Variants in SEMA3A observed in about 807,000 individuals in gnomAD.
SEMA3A encodes semaphorin-3A.
Under a neutral mutation model 97.9 loss-of-function variants are expected in SEMA3A, and 29 were observed. The ratio of observed to expected loss-of-function variants is 0.30; its 90% confidence interval spans 0.22 to 0.40. SEMA3A has a LOEUF of 0.40. Among genes scored for constraint, SEMA3A ranks in the 10% least tolerant of loss-of-function variants. SEMA3A has a pLI of 1.00. For synonymous variants in SEMA3A, 321 were observed against 323.7 expected, an observed-to-expected ratio of 0.99 and a Z score of 0.09; for missense variants, 763 against 951.3, an observed-to-expected ratio of 0.80 and a Z score of 2.60.
At chr7:84,371,479 A>C (rs1018936844) in intron 2 of SEMA3A, among the ~76,000 whole-genome samples, 1 of 151,884 alleles carries the variant, frequency 6.6e-6, no homozygotes. Flanking sequence ...AAAAGCATTT[A>C]GGTCTTAATT....
intron 4 of SEMA3A, among the ~76,000 whole-genome samples, chr7:84,095,548 C>CT (rs895220022): frequency 8.9e-5 from 13 of 145,734 alleles, no homozygotes; most frequent in South Asian, 8.7e-4. Flanking sequence ...TGCATTTTAT[C>CT]TTTTTTTTTT....
At chr7:84,122,218 C>T (rs536853789) in intron 3 of SEMA3A, among the ~76,000 whole-genome samples, 1 of 151,920 alleles carries the variant, frequency 6.6e-6, no homozygotes, top group East Asian at 1.9e-4. Context: ...AGAACTAAAA[C>T]AAATTTACAA....
At chr7:84,017,192 G>A (rs1321713233) in intron 6 of SEMA3A, among the ~76,000 whole-genome samples, 1 of 152,176 alleles carries the variant, frequency 6.6e-6, no homozygotes, top group Non-Finnish European at 1.5e-5. Flanking sequence ...TTCTCTTGGT[G>A]TTTGGGCATG....
chr7:84,410,443 T>G (rs909757635), intron 1 of SEMA3A, among the ~76,000 whole-genome samples: 1 of 152,218 alleles, frequency 6.6e-6, no homozygotes, highest in Admixed American at 6.6e-5. Flanking sequence ...CAACCCAGAT[T>G]GCACACTCCC....
chr7:84,207,682 C>T (rs539661866), intron 3 of SEMA3A, among the ~76,000 whole-genome samples: 79 of 152,264 alleles, frequency 5.2e-4, no homozygotes, highest in African/African-American at 1.8e-3. Flanking sequence ...GTTCTCTGAC[C>T]TATAAGCTAA....
At chr7:84,033,050 T>G (rs1791816302) in intron 6 of SEMA3A, among the ~76,000 whole-genome samples, 1 of 152,088 alleles carries the variant, frequency 6.6e-6, no homozygotes, top group African/African-American at 2.4e-5. Context: ...GGAAAAAAAT[T>G]GCAAATTACT....
At chr7:84,140,141 C>A (rs2158567) in intron 1 of SEMA3A, among the ~76,000 whole-genome samples, 1 of 151,836 alleles carries the variant, frequency 6.6e-6, no homozygotes, top group African/African-American at 2.4e-5. Context: ...AAATCATGCA[C>A]GAGGATTGGG....
Position 84,194,459 on chromosome 7 carries a change from G to T in SEMA3A, c.112+16C>A, listed in dbSNP as rs1798154423. 2.0e-6 allele frequency: 3 copies of T among 1,536,678 alleles called. No individual in the cohort carries two copies. Among genetic ancestry groups the T allele is most frequent in the East Asian group, 2.3e-5 (1 of 44,286 alleles). On this transcript the variant is annotated intron_variant, in intron 1 of 16. Coordinates refer to ENST00000265362, the MANE Select transcript of SEMA3A (RefSeq NM_006080.3). ...TTATTACAAAGCTAACCAAATAAAA[G>T]AAAAATAAGATTTACCTTTGTAGGA... is the stretch of plus-strand genomic sequence containing the variant.
intron 3 of SEMA3A, among the ~76,000 whole-genome samples, chr7:84,117,346 A>ACATGTAGG (rs1272827803): frequency 6.6e-6 from 1 of 152,186 alleles, no homozygotes; most frequent in East Asian, 1.9e-4. Flanking sequence ...TTAAGAAAAA[A>ACATGTAGG]CATGTAGGAC....
intron 2 of SEMA3A, among the ~76,000 whole-genome samples, chr7:84,317,081 T>G (rs1415131726): frequency 6.6e-6 from 1 of 152,144 alleles, no homozygotes; most frequent in Non-Finnish European, 1.5e-5. Context: ...CCCTAAAAAC[T>G]CTTTCTATCC....
intron 3 of SEMA3A, among the ~76,000 whole-genome samples, chr7:84,125,444 A>G (rs1489907157): frequency 6.6e-6 from 1 of 152,162 alleles, no homozygotes; most frequent in Admixed American, 6.5e-5. Context: ...TTCTTCTTTG[A>G]AAGTATTCTT....
chr7:84,422,050 A>C (rs1368955482), intron 1 of SEMA3A, among the ~76,000 whole-genome samples: 1 of 151,772 alleles, frequency 6.6e-6, no homozygotes, highest in African/African-American at 2.4e-5. Context: ...TTAGAGAGGA[A>C]TCTTTCTTTT....
intron 1 of SEMA3A, among the ~76,000 whole-genome samples, chr7:84,171,492 T>G (rs190291388): frequency 6.6e-6 from 1 of 152,188 alleles, no homozygotes; most frequent in African/African-American, 2.4e-5. Flanking sequence ...GATTGGAGAG[T>G]GTTCTACCTT....
chr7:84,143,577 T>G (rs1796363202), intron 1 of SEMA3A, among the ~76,000 whole-genome samples: 1 of 141,508 alleles, frequency 7.1e-6, no homozygotes, highest in South Asian at 2.3e-4. Context: ...AGGTGCAGAC[T>G]GAACACAGTG....
At chr7:84,208,223 G>A (rs1986250) in intron 3 of SEMA3A, among the ~76,000 whole-genome samples, 1 of 151,902 alleles carries the variant, frequency 6.6e-6, no homozygotes, top group African/African-American at 2.4e-5. Context: ...GAGGCCAAGG[G>A]GGGCAGATCG....
chr7:84,424,442 T>C (rs1804688871), intron 1 of SEMA3A, among the ~76,000 whole-genome samples: 1 of 125,634 alleles, frequency 8.0e-6, no homozygotes, highest in African/African-American at 3.0e-5. Flanking sequence ...AAATACATAA[T>C]ATATAATATA....
rs35685378 is a variant in SEMA3A at position 83,960,824 on chromosome 7, GTT to G, written c.*545_*546del. On this transcript the variant is annotated 3_prime_UTR_variant, in exon 17 of 17. Coordinates refer to ENST00000265362, the MANE Select transcript of SEMA3A (RefSeq NM_006080.3). The stretch of plus-strand genomic sequence containing the variant: ...TTCTTCTGGATGATGGATGGCTTAT[GTT>G]TTTTTTTTTTTTTAATATTTCCACA... 7.9e-4 allele frequency: 113 copies of G among 143,246 alleles called. No homozygotes were observed. Among genetic ancestry groups the G allele is most frequent in the African/African-American group, 2.4e-3 (92 of 38,420 alleles). The allele number at this position is 143,246 out of a possible 1,614,324, so 8.9% of individuals were successfully genotyped here. A position where few individuals can be genotyped will look rare whatever the true frequency, so the allele number is the denominator to read the frequency against.
intron 12 of SEMA3A, among the ~76,000 whole-genome samples, chr7:83,998,713 C>A (rs1790317876): frequency 6.6e-6 from 1 of 152,030 alleles, no homozygotes; most frequent in African/African-American, 2.4e-5. Context: ...ATATTGTACA[C>A]CTGTCCCAAC....
At chr7:83,990,443 T>C (rs1383165098) in intron 12 of SEMA3A, among the ~76,000 whole-genome samples, 1 of 142,824 alleles carries the variant, frequency 7.0e-6, no homozygotes, top group Non-Finnish European at 1.5e-5. Context: ...AGGGTTTTTA[T>C]GGTTTTAGGT....
Sources: allele counts gnomAD v4.1 joint callset (sites outside exome capture counted in the v4.1 genomes callset), GRCh38; gene constraint gnomAD v4.1.1; transcripts MANE v1.5; gene names NCBI Gene and HGNC (gene_info 2026-07-23, HGNC 2026-07-21).